Variants in SGCZ observed in about 807,000 individuals in gnomAD.
SGCZ encodes the protein sarcoglycan zeta.
SGCZ carries 40 observed loss-of-function variants against 41.3 expected under a neutral mutation model. That is an observed-to-expected ratio of 0.97 (90% CI 0.75 to 1.26). SGCZ has a LOEUF of 1.26. SGCZ is among the 50% of genes most tolerant of loss of function. SGCZ has a pLI of 0.00. For synonymous variants in SGCZ, 206 were observed against 137.5 expected (o/e 1.50, Z -3.49); for missense variants, 552 against 369.8 (o/e 1.49, Z -4.04).
At chr8:14,240,439 G>T (rs9942785) in intron 3 of SGCZ, among the ~76,000 whole-genome samples, 102,190 of 151,434 alleles carry the variant, frequency 0.67, 34,779 homozygotes, top group South Asian at 0.79. Flanking sequence ...CAGAGAATTT[G>T]TTGAAGTTCT....
In SGCZ at chr8:14,190,014, C is replaced by CTTTTTTTTTTTTTT. The variant is rs71304966; in HGVS notation, c.425-25326_425-25313dup. Among the ~76,000 whole-genome samples the CTTTTTTTTTTTTTT allele has an allele frequency of 3.4e-4, 34 of 100,198 alleles. 2 individuals are homozygous for CTTTTTTTTTTTTTT. Among genetic ancestry groups the CTTTTTTTTTTTTTT allele is most frequent in the African/African-American group, 3.5e-4 (10 of 28,340 alleles). 65.7% of individuals were successfully genotyped at this position (100,198 alleles called of 152,430 possible). On this transcript the variant is annotated intron_variant, in intron 4 of 7. Coordinates refer to ENST00000382080, the MANE Select transcript of SGCZ (RefSeq NM_139167.4). ...GAATCTACTTTTTCTTTCTTTCTTT[C>CTTTTTTTTTTTTTT]TTTTTTTTTTTTTTTTGAGACGGAC... is the stretch of plus-strand genomic sequence containing the variant.
rs527329412 is a variant in SGCZ at position 14,709,546 on chromosome 8, C to T, written c.40-154620G>A. 1.2e-3 allele frequency among the ~76,000 whole-genome samples: 190 copies of T among 152,140 alleles called. 4 individuals are homozygous for T. The highest frequency in any genetic ancestry group is 4.4e-3 in the African/African-American group (182 of 41,518). On this transcript the variant is annotated intron_variant, in intron 1 of 7. Coordinates refer to ENST00000382080, the MANE Select transcript of SGCZ (RefSeq NM_139167.4). ...GTGCAGAATTCAGTCAATAGGTTTG[C>T]TAATTCGCTTGTTACGGCATAAGCA...
At chr8:15,159,725 GCCCCCGCCCCCCCCACCCTCCCCCCCA>G (rs1395523415) in intron 1 of SGCZ, among the ~76,000 whole-genome samples, 1 of 10,380 alleles carries the variant, frequency 9.6e-5, no homozygotes, top group African/African-American at 3.8e-4. Flanking sequence ...CCCCTCCCTC[GCCCCCGCCCCCCCCACCCTCCCCCCCA>G]CCCCCGCCAC....
intron 1 of SGCZ, among the ~76,000 whole-genome samples, chr8:14,645,395 A>G (rs942112881): frequency 2.0e-5 from 3 of 148,896 alleles, no homozygotes; most frequent in Non-Finnish European, 4.5e-5. Flanking sequence ...GGCGTCCTCT[A>G]AAACTTTTTA....
chr8:14,143,886 G>C (rs1299343458), intron 5 of SGCZ, among the ~76,000 whole-genome samples: 1 of 152,164 alleles, frequency 6.6e-6, no homozygotes, highest in Non-Finnish European at 1.5e-5. Context: ...GTAGTGTCCT[G>C]TTAGAGCAGA....
chr8:14,905,470 C>A (rs963910155), intron 1 of SGCZ, among the ~76,000 whole-genome samples: 25 of 152,004 alleles, frequency 1.6e-4, no homozygotes, highest in African/African-American at 5.8e-4. Context: ...TCATTTACTG[C>A]TCATTGGAAT....
chr8:14,343,275 C>T (rs888965644), intron 2 of SGCZ, among the ~76,000 whole-genome samples: 12 of 152,174 alleles, frequency 7.9e-5, no homozygotes, highest in Non-Finnish European at 1.5e-4. Context: ...CCTACTGGGG[C>T]ACTGCCTAGT....
chr8:14,784,913 A>AAAAAAAAAAAAAAAATATATATAT (rs1408574493), intron 1 of SGCZ, among the ~76,000 whole-genome samples: 2 of 88,040 alleles, frequency 2.3e-5, no homozygotes, highest in African/African-American at 9.4e-5. Context: ...AAAAAAAAAA[A>AAAAAAAAAAAAAAAATATATATAT]ATATATATAT....
At chr8:14,770,690 G>A (rs1201783054) in intron 1 of SGCZ, among the ~76,000 whole-genome samples, 4 of 152,008 alleles carry the variant, frequency 2.6e-5, no homozygotes, top group Non-Finnish European at 5.9e-5. Flanking sequence ...AACCTGTATA[G>A]TATGCCATAA....
At chr8:14,869,620 AT>A (rs1182319986) in intron 1 of SGCZ, among the ~76,000 whole-genome samples, 1 of 152,232 alleles carries the variant, frequency 6.6e-6, no homozygotes, top group Admixed American at 6.5e-5. Flanking sequence ...AATGAAGTGT[AT>A]TCAAATAGGA....
intron 4 of SGCZ, among the ~76,000 whole-genome samples, chr8:14,177,689 T>A (rs1373815344): frequency 6.8e-6 from 1 of 147,962 alleles, no homozygotes; most frequent in Non-Finnish European, 1.5e-5. Flanking sequence ...TTTTTTTTTT[T>A]TTTTTTTTGT....
chr8:14,277,767 G>A (rs1029033772), intron 3 of SGCZ, among the ~76,000 whole-genome samples: 10 of 152,062 alleles, frequency 6.6e-5, no homozygotes, highest in South Asian at 2.1e-4. Context: ...AACCCCAAGT[G>A]AGGGGAGGAA....
intron 1 of SGCZ, among the ~76,000 whole-genome samples, chr8:14,650,471 A>C (rs1807361093): frequency 6.9e-6 from 1 of 145,242 alleles, no homozygotes. Context: ...CTACTGCCCA[A>C]CGGTTATTTT....
intron 1 of SGCZ, among the ~76,000 whole-genome samples, chr8:14,789,002 G>C (rs548939513): frequency 4.6e-5 from 7 of 152,202 alleles, no homozygotes; most frequent in African/African-American, 1.7e-4. Context: ...ATGTCCTTCT[G>C]TTCGAAAACA....
intron 1 of SGCZ, among the ~76,000 whole-genome samples, chr8:15,188,289 G>A (rs551777130): frequency 6.6e-6 from 1 of 152,048 alleles, no homozygotes; most frequent in Non-Finnish European, 1.5e-5. Flanking sequence ...GCAATCCTAT[G>A]AGTTTATAAA....
chr8:14,791,890 T>G (rs1354424409), intron 1 of SGCZ, among the ~76,000 whole-genome samples: 4 of 152,232 alleles, frequency 2.6e-5, no homozygotes, highest in Non-Finnish European at 5.9e-5. Flanking sequence ...ACAGATGGGT[T>G]ACCTAAATCA....
rs562654827 is a variant in SGCZ at position 14,330,987 on chromosome 8, C to T, written c.235-6783G>A. Among the ~76,000 whole-genome samples the T allele has an allele frequency of 1.9e-3, 294 of 151,804 alleles. 1 individual carries two copies. Among genetic ancestry groups the T allele is most frequent in the African/African-American group, 6.9e-3 (285 of 41,458 alleles). The stretch of plus-strand genomic sequence containing the variant: ...AACCAAAAATCCCCTTTCAAATTAC[C>T]AGTATTACACATTTCAAAACAAATT... On this transcript the variant is annotated intron_variant, in intron 2 of 7. Coordinates refer to ENST00000382080, the MANE Select transcript of SGCZ (RefSeq NM_139167.4).
At chr8:14,183,283 TACATGTACAC>T (rs2117028368) in intron 4 of SGCZ, among the ~76,000 whole-genome samples, 1 of 110,954 alleles carries the variant, frequency 9.0e-6, no homozygotes, top group South Asian at 2.3e-4. Flanking sequence ...TAAAAATTTT[TACATGTACAC>T]ACACACACAC....
chr8:14,252,050 G>A (rs1382509892), intron 3 of SGCZ, among the ~76,000 whole-genome samples: 1 of 152,074 alleles, frequency 6.6e-6, no homozygotes, highest in Non-Finnish European at 1.5e-5. Flanking sequence ...CTTCTCATCT[G>A]TTAGCTCTTC....
Sources: allele counts gnomAD v4.1 joint callset (sites outside exome capture counted in the v4.1 genomes callset), GRCh38; gene constraint gnomAD v4.1.1; transcripts MANE v1.5; gene names NCBI Gene and HGNC (gene_info 2026-07-23, HGNC 2026-07-21).